The following SNX29 variants were observed in gnomAD, a reference collection of about 807,000 sequenced individuals.
SNX29 encodes sorting nexin-29.
Under a neutral mutation model 102.1 loss-of-function variants are expected in SNX29, and 78 were observed. That is an observed-to-expected ratio of 0.76 (90% CI 0.64 to 0.92). The LOEUF is 0.92. Among genes scored for constraint, SNX29 ranks in the 40% least tolerant of loss-of-function variants. The probability of loss-of-function intolerance (pLI) is 0.00; values close to 1 mark genes in which losing one functional copy is unlikely to be tolerated. For synonymous variants in SNX29, 580 were observed against 414.5 expected (o/e 1.40, Z -4.85); for missense variants, 1,280 against 1,061.7 (o/e 1.21, Z -2.86).
At chr16:12,483,476 C>T (rs535382788) in intron 19 of SNX29, among the ~76,000 whole-genome samples, 1 of 151,266 alleles carries the variant, frequency 6.6e-6, no homozygotes, top group African/African-American at 2.4e-5. Context: ...TGCCACCACG[C>T]CTGGTAATTT....
chr16:12,349,034 C>T (rs1012683918), intron 15 of SNX29, among the ~76,000 whole-genome samples: 2 of 152,168 alleles, frequency 1.3e-5, no homozygotes, highest in East Asian at 1.9e-4. Flanking sequence ...CTTGTGGCCT[C>T]CCGGTAGAGG....
At chr16:12,283,560 C>T (rs1247912247) in intron 15 of SNX29, among the ~76,000 whole-genome samples, 1 of 152,124 alleles carries the variant, frequency 6.6e-6, no homozygotes, top group East Asian at 1.9e-4. Context: ...ACTTCGTGAT[C>T]CACCCACCTC....
intron 20 of SNX29, among the ~76,000 whole-genome samples, chr16:12,549,686 A>G (rs1359387599): frequency 6.6e-6 from 1 of 152,198 alleles, no homozygotes. Flanking sequence ...CGGCATCTTG[A>G]TGTCGCAGAT....
chr16:12,091,696 G>A (rs1394067745), intron 11 of SNX29, among the ~76,000 whole-genome samples: 1 of 147,408 alleles, frequency 6.8e-6, no homozygotes, highest in Non-Finnish European at 1.5e-5. Flanking sequence ...ACTTTGAGGT[G>A]AGCCCAGGAG....
intron 10 of SNX29, among the ~76,000 whole-genome samples, chr16:12,071,749 A>C (rs2051311378): frequency 6.6e-6 from 1 of 152,096 alleles, no homozygotes; most frequent in Admixed American, 6.6e-5. Flanking sequence ...TGAATCTATA[A>C]ATTACCTTGG....
intron 1 of SNX29, among the ~76,000 whole-genome samples, chr16:11,992,431 A>G (rs893035771): frequency 6.6e-6 from 1 of 152,036 alleles, no homozygotes; most frequent in African/African-American, 2.4e-5. Context: ...AAACATTTTC[A>G]TCACCCAAAG....
At chr16:12,198,761 C>T (rs1183416641) in intron 13 of SNX29, among the ~76,000 whole-genome samples, 2 of 152,230 alleles carry the variant, frequency 1.3e-5, no homozygotes, top group Non-Finnish European at 2.9e-5. Context: ...TCCAACTCTT[C>T]TCCTGTAAAA....
intron 20 of SNX29, 28 bp downstream of exon 20, chr16:12,524,869 C>T (rs977907242): frequency 1.7e-5 from 28 of 1,600,760 alleles, no homozygotes; most frequent in East Asian, 4.5e-5. Flanking sequence ...GGACATGGGC[C>T]GCCAGCCCTG....
intron 15 of SNX29, among the ~76,000 whole-genome samples, chr16:12,316,359 A>G (rs1010327801): frequency 2.6e-5 from 4 of 152,188 alleles, no homozygotes; most frequent in Non-Finnish European, 4.4e-5. Context: ...CCTGGCCAAC[A>G]TGGGGAAACC....
intron 4 of SNX29, among the ~76,000 whole-genome samples, chr16:12,028,805 A>C (rs1174617392): frequency 6.6e-6 from 1 of 152,014 alleles, no homozygotes; most frequent in African/African-American, 2.4e-5. Flanking sequence ...CTGGAGTGCA[A>C]TGGCACCGTC....
chr16:12,010,531 C>T (rs1010804463), intron 3 of SNX29, among the ~76,000 whole-genome samples: 5 of 152,096 alleles, frequency 3.3e-5, no homozygotes, highest in African/African-American at 9.7e-5. Flanking sequence ...GAGGCTGAAG[C>T]GGGAGGATCA....
chr16:12,303,972 C>T (rs924958952), intron 15 of SNX29, among the ~76,000 whole-genome samples: 1 of 152,178 alleles, frequency 6.6e-6, no homozygotes, highest in East Asian at 1.9e-4. Flanking sequence ...GATGTCTGGC[C>T]CTGGGATGTT....
At chr16:12,298,426 C>T (rs2080052497) in intron 15 of SNX29, among the ~76,000 whole-genome samples, 1 of 152,210 alleles carries the variant, frequency 6.6e-6, no homozygotes, top group South Asian at 2.1e-4. Context: ...CAAGCCTGTG[C>T]AGATTATACC....
intron 18 of SNX29, among the ~76,000 whole-genome samples, chr16:12,441,260 T>A (rs1366913100): frequency 6.6e-6 from 1 of 151,944 alleles, no homozygotes; most frequent in African/African-American, 2.4e-5. Flanking sequence ...GCTGATTTTT[T>A]TTTATTTTTG....
chr16:12,462,597 C>CAG (rs2086856482), intron 18 of SNX29, among the ~76,000 whole-genome samples: 1 of 151,648 alleles, frequency 6.6e-6, no homozygotes, highest in Admixed American at 6.6e-5. Context: ...TCATTATACA[C>CAG]ACACACACAC....
chr16:12,563,834 C>T (rs1007391994), intron 20 of SNX29, among the ~76,000 whole-genome samples: 4 of 148,962 alleles, frequency 2.7e-5, no homozygotes, highest in African/African-American at 7.8e-5. Flanking sequence ...TTCAGGCTGC[C>T]TGTAAATATC....
intron 18 of SNX29, among the ~76,000 whole-genome samples, chr16:12,422,596 T>C (rs2084915333): frequency 6.6e-6 from 1 of 152,240 alleles, no homozygotes; most frequent in African/African-American, 2.4e-5. Flanking sequence ...CCACCTCCTG[T>C]TGTCTGGGCC....
At chr16:12,562,276 C>T (rs934437649) in intron 20 of SNX29, among the ~76,000 whole-genome samples, 8 of 152,272 alleles carry the variant, frequency 5.3e-5, no homozygotes, top group East Asian at 1.9e-4. Context: ...CCATGGGCCA[C>T]GCTCTATCCC....
intron 18 of SNX29, among the ~76,000 whole-genome samples, chr16:12,444,047 C>T (rs1646305): frequency 0.71 from 105,034 of 147,478 alleles, 38,366 homozygotes; most frequent in African/African-American, 0.91. Context: ...GCACCTAGCA[C>T]GTAGTAAGCA....
Sources: gnomAD v4.1 joint callset for allele counts (sites outside exome capture counted in the v4.1 genomes callset) on GRCh38, gnomAD v4.1.1 for gene constraint, MANE v1.5 for transcripts, NCBI Gene and HGNC (gene_info 2026-07-23, HGNC 2026-07-21) for gene names.